The following AGPAT2 variants were observed in gnomAD, a reference collection of about 807,000 sequenced individuals.
The protein encoded by AGPAT2 is 1-acylglycerol-3-phosphate O-acyltransferase 2.
In AGPAT2, 18 loss-of-function variants were observed where a neutral mutation model predicts 26.1. That is an observed-to-expected ratio of 0.69 (90% CI 0.48 to 1.02). The LOEUF is 1.02. Ranked by LOEUF, AGPAT2 falls within the 50% of genes least tolerant of loss-of-function variation. The pLI, the probability that AGPAT2 is intolerant of heterozygous loss-of-function variation, is 0.00. For synonymous variants in AGPAT2, 200 were observed against 174.2 expected (o/e 1.15, Z -1.16); for missense variants, 415 against 394.9 (o/e 1.05, Z -0.43).
rs17848855 is a variant in AGPAT2 at position 136,676,945 on chromosome 9, G to A, written c.492+16C>T. The A allele has an allele frequency of 2.7e-4, 187 of 705,608 alleles. No individual in the cohort carries two copies. In the East Asian group the frequency reaches 3.5e-3, roughly 13 times the overall value. 43.7% of individuals were successfully genotyped at this position (705,608 alleles called of 1,614,324 possible). ...GCCCCACCCCAACCCCACCGAGCCC[G>A]GCCCTGCACACTCACGTTCTCCCTG... On this transcript the variant is annotated intron_variant, in intron 3 of 5. Transcript: ENST00000371696.
At chr9:136,674,456 C>T (rs1846062631) in intron 5 of AGPAT2, among the ~76,000 whole-genome samples, 1 of 152,234 alleles carries the variant, frequency 6.6e-6, no homozygotes, top group African/African-American at 2.4e-5. Flanking sequence ...GCCCTCCAGG[C>T]CCCCAAGCTG....
Position 136,674,724 on chromosome 9 carries a change from T to TGTGGGG in AGPAT2, c.661+5_661+10dup, listed in dbSNP as rs770435239. On this transcript the variant is annotated intron_variant, in intron 5 of 5. Coordinates refer to ENST00000371696, the MANE Select transcript of AGPAT2 (RefSeq NM_006412.4). ...GGGGCCTACACCCCGGGTGCACACA[T>TGTGGGG]GTGGGGGTACCTGAAGTGAAGAACT... 6 of 1,477,272 alleles carry TGTGGGG rather than the reference T, an allele frequency of 4.1e-6. No individual in the cohort carries two copies. In the Admixed American group the frequency reaches 1.3e-4, roughly 33 times the overall value. 91.5% of individuals were successfully genotyped at this position (1,477,272 alleles called of 1,614,324 possible).
Position 136,673,426 on chromosome 9 carries a change from C to T in AGPAT2, c.*326G>A. The T allele has an allele frequency of 4.0e-6, 1 of 247,520 alleles. No individual in the cohort carries two copies. Among genetic ancestry groups the T allele is most frequent in the Non-Finnish European group, 7.8e-6 (1 of 128,894 alleles). 15.3% of individuals were successfully genotyped at this position (247,520 alleles called of 1,614,324 possible). On this transcript the variant is annotated 3_prime_UTR_variant, in exon 6 of 6. Transcript: ENST00000371696. ...TGGCCTCGGGGTCCTCCCATCTGCT[C>T]CTGGGCCATCGGGGGCCTTGTGGCT...
chr9:136,687,149 G>A (rs1846232454), intron 1 of AGPAT2, 27 bp downstream of exon 1: 3 of 1,569,426 alleles, frequency 1.9e-6, no homozygotes, highest in Non-Finnish European at 1.7e-6. Context: ...CGGTTCCCCG[G>A]CCCCTCCCGG....
In AGPAT2 at chr9:136,673,860, C is replaced by T. The variant is rs758501299; in HGVS notation, c.729G>A (p.Ala243=). The change falls in exon 6 of 6, where the codon GCG becomes GCA. Residue 243 remains alanine, a synonymous_variant. Coordinates refer to ENST00000371696, the MANE Select transcript of AGPAT2 (RefSeq NM_006412.4). ...TSGLTAADVP[A]LVDTCHRAMR... is the part of the protein sequence containing the mutation. ...TGGCCCGGTGGCAGGTGTCCACGAG[C>T]GCAGGGACGTCCGCCGCAGTGAGGC... 127 of 1,605,006 alleles carry T rather than the reference C, an allele frequency of 7.9e-5. No homozygotes were observed. Among genetic ancestry groups the T allele is most frequent in the Admixed American group, 4.6e-4 (27 of 59,234 alleles).
At chr9:136,674,851 G>A (rs753187676) in intron 4 of AGPAT2, 44 bp from the exon 5 acceptor site, 12 of 1,424,038 alleles carry the variant, frequency 8.4e-6, no homozygotes, top group Non-Finnish European at 6.6e-6. Flanking sequence ...CTGGGGACAG[G>A]CCAGGCACAC....
Position 136,687,342 on chromosome 9 carries a change from A to G in AGPAT2, c.16T>C (p.Cys6Arg), listed in dbSNP as rs1278572636. MELWP[C>R]LAAALLLLLL... ...AGCAACAGCAGCGCCGCGGCCAGACACGGCCACAGCTCCATGGCCCGGCCC... is the reference window on the plus strand; with the variant it reads ...AGCAACAGCAGCGCCGCGGCCAGACGCGGCCACAGCTCCATGGCCCGGCCC... Residue 6 changes from cysteine to arginine, a missense_variant, in exon 1 of 6, where the codon TGT becomes CGT. By Grantham distance (180) the Cys-to-Arg change is radical. Transcript: ENST00000371696. The G allele has an allele frequency of 1.9e-6, 3 of 1,549,072 alleles. No individual in the cohort carries two copies. The highest frequency in any genetic ancestry group is 1.8e-4 in the Middle Eastern group (1 of 5,598).
Position 136,687,416 on chromosome 9 carries a change from C to A in AGPAT2, c.-59G>T. The A allele has an allele frequency of 7.4e-7, 1 of 1,354,158 alleles. No individual in the cohort carries two copies. Among genetic ancestry groups the A allele is most frequent in the Admixed American group, 3.8e-5 (1 of 26,080 alleles). The allele number at this position is 1,354,158 out of a possible 1,614,324, so 83.9% of individuals were successfully genotyped here. A position where few individuals can be genotyped will look rare whatever the true frequency, so the allele number is the denominator to read the frequency against. ...CGCTCCCGCTCCCGCTCCCGCTTCTCCCCCGCGCGCTCAGGCCCCTTATTG... is the reference window on the plus strand; with the variant it reads ...CGCTCCCGCTCCCGCTCCCGCTTCTACCCCGCGCGCTCAGGCCCCTTATTG... On this transcript the variant is annotated 5_prime_UTR_variant, in exon 1 of 6. Transcript: ENST00000371696.
rs146788561 is a variant in AGPAT2 at position 136,681,049 on chromosome 9, C to T, written c.183-3493G>A. ...TCTCAGCACACGGTTCCGTGGCACT[C>T]GGCGCATTCACTGCCGTGTGGCCAG... On this transcript the variant is annotated intron_variant, in intron 1 of 5. Transcript: ENST00000371696. Among the ~76,000 whole-genome samples, 36 of 152,162 alleles carry T rather than the reference C, an allele frequency of 2.4e-4. No homozygotes were observed. In the East Asian group the frequency reaches 4.2e-3, roughly 18 times the overall value.
intron 1 of AGPAT2, among the ~76,000 whole-genome samples, chr9:136,683,415 G>T (rs2131019286): frequency 6.6e-6 from 1 of 152,240 alleles, no homozygotes. Flanking sequence ...ACTCCCAGGA[G>T]ACCCAGCAGC....
At position 136,676,686 on chromosome 9, in the gene AGPAT2, G is replaced by A. The variant is rs1846093922; in HGVS notation, c.493-6C>T. On this transcript the variant is annotated splice_polypyrimidine_tract_variant and splice_region_variant and intron_variant, in intron 3 of 5. Transcript: ENST00000371696. Reference sequence around the variant, plus strand: ...GGATAGATCCACACTTTGAGCTGCAGGGAGAGGAGAGCCTGGACTGACCTC... The same window carrying A: ...GGATAGATCCACACTTTGAGCTGCAAGGAGAGGAGAGCCTGGACTGACCTC... 3 of 1,612,860 alleles carry A rather than the reference G, an allele frequency of 1.9e-6. No individual in the cohort carries two copies. The highest frequency in any genetic ancestry group is 2.7e-5 in the African/African-American group (2 of 74,904).
In AGPAT2 at chr9:136,673,536, G is replaced by A. The variant is rs551502234; in HGVS notation, c.*216C>T. On this transcript the variant is annotated 3_prime_UTR_variant, in exon 6 of 6. Transcript: ENST00000371696. ...GCCGTGGGCGCGAGTCCCTGCCCTC[G>A]AGCCCGGGGAGGGTCCAGCTGAGCC... 61 of 448,356 alleles carry A rather than the reference G, an allele frequency of 1.4e-4. No individual in the cohort carries two copies. The Middle Eastern group carries it at 1.8e-3, about 13-fold the overall frequency. 27.8% of individuals were successfully genotyped at this position (448,356 alleles called of 1,614,324 possible). A position where few individuals can be genotyped will look rare whatever the true frequency, so the allele number is the denominator to read the frequency against.
At chr9:136,684,635 C>T (rs570345434) in intron 1 of AGPAT2, among the ~76,000 whole-genome samples, 23 of 152,262 alleles carry the variant, frequency 1.5e-4, no homozygotes, top group Admixed American at 8.5e-4. Flanking sequence ...TCAGGCCTGC[C>T]GCAGGGCTGC....
Position 136,673,627 on chromosome 9 carries a change from G to T in AGPAT2, c.*125C>A. On this transcript the variant is annotated 3_prime_UTR_variant, in exon 6 of 6. Transcript: ENST00000371696. ...ACAGAAGGGGCTTCCTGCTTCCCGG[G>T]CTGAGTGAGAGCTGGGGGAGCCGGA... The T allele has an allele frequency of 9.0e-7, 1 of 1,112,460 alleles. No individual in the cohort carries two copies. The allele number at this position is 1,112,460 out of a possible 1,614,324, so 68.9% of individuals were successfully genotyped here.
At position 136,674,715 on chromosome 9, in the gene AGPAT2, GTGCACACA is replaced by G. The variant is rs777462050; in HGVS notation, c.661+12_661+19del. 64 of 1,435,392 alleles carry G rather than the reference GTGCACACA, an allele frequency of 4.5e-5. No homozygotes were observed. The East Asian group carries it at 1.7e-3, about 37-fold the overall frequency. The allele number at this position is 1,435,392 out of a possible 1,614,324, so 88.9% of individuals were successfully genotyped here. On this transcript the variant is annotated intron_variant, in intron 5 of 5. Coordinates refer to ENST00000371696, the MANE Select transcript of AGPAT2 (RefSeq NM_006412.4). ...GGGTCAGGCGGGGCCTACACCCCGG[GTGCACACA>G]TGTGGGGGTACCTGAAGTGAAGAAC...
At chr9:136,678,249 A>G (rs2119188103) in intron 1 of AGPAT2, among the ~76,000 whole-genome samples, 1 of 152,276 alleles carries the variant, frequency 6.6e-6, no homozygotes, top group South Asian at 2.1e-4. Context: ...TGGCCACAGC[A>G]GCCCCCACTC....
intron 4 of AGPAT2, 86 bp downstream of exon 4, chr9:136,676,499 C>A: frequency 9.2e-7 from 1 of 1,086,864 alleles, no homozygotes; most frequent in South Asian, 1.3e-5. Context: ...GTCCTCAGCT[C>A]GGCTGGTGGT....
At chr9:136,674,152 G>C (rs997018268) in intron 5 of AGPAT2, among the ~76,000 whole-genome samples, 2 of 152,098 alleles carry the variant, frequency 1.3e-5, no homozygotes, top group Admixed American at 6.5e-5. Context: ...TTTTCGACAA[G>C]TCTGCGCTCC....
At position 136,675,019 on chromosome 9, in the gene AGPAT2, T is replaced by G. The variant is rs145311886; in HGVS notation, c.589-212A>C. On this transcript the variant is annotated intron_variant, in intron 4 of 5. Transcript: ENST00000371696. ...TCCATAAGCTCATCCTGCAAATTTT[T>G]ACTCATCTCCTCTAGGAAGCCCTCC... Among the ~76,000 whole-genome samples, 768 of 152,282 alleles carry G rather than the reference T, an allele frequency of 5.0e-3. 6 individuals are homozygous for G. The highest frequency in any genetic ancestry group is 0.018 in the African/African-American group (734 of 41,570).
Sources: allele counts gnomAD v4.1 joint callset (sites outside exome capture counted in the v4.1 genomes callset), GRCh38; gene constraint gnomAD v4.1.1; transcripts MANE v1.5; gene names NCBI Gene and HGNC (gene_info 2026-07-23, HGNC 2026-07-21).